DISC1: variants seen among roughly 807,000 people sequenced by gnomAD.
The protein encoded by DISC1 is disrupted in schizophrenia 1 protein.
A neutral mutation model predicts 84.5 loss-of-function variants in DISC1; 57 were observed. The observed-to-expected ratio is 0.67, with a 90% CI of 0.55 to 0.84. DISC1 has a LOEUF of 0.84. Ranked by LOEUF, DISC1 falls within the 40% of genes least tolerant of loss-of-function variation. The pLI, the probability that DISC1 is intolerant of heterozygous loss-of-function variation, is 0.00. For synonymous variants in DISC1, 411 were observed against 415.2 expected (o/e 0.99, Z 0.12); for missense variants, 1,000 against 1,057.8 (o/e 0.95, Z 0.76).
chr1:231,678,140 C>A (rs200147654), intron 1 of DISC1, among the ~76,000 whole-genome samples: 21 of 152,240 alleles, frequency 1.4e-4, no homozygotes, highest in South Asian at 2.1e-4. Flanking sequence ...GCAGTGTAAT[C>A]TCAGGAAGGC....
At chr1:231,657,464 G>T (rs1465855629) in intron 1 of DISC1, among the ~76,000 whole-genome samples, 1 of 152,068 alleles carries the variant, frequency 6.6e-6, no homozygotes, top group African/African-American at 2.4e-5. Flanking sequence ...TTCTTTTGCT[G>T]TGCAGAAGCT....
At chr1:231,861,452 G>GTTTTTTTTTTT (rs59522401) in intron 9 of DISC1, among the ~76,000 whole-genome samples, 1 of 88,966 alleles carries the variant, frequency 1.1e-5, no homozygotes, top group African/African-American at 3.9e-5. Flanking sequence ...ATTTTGACAA[G>GTTTTTTTTTTT]TTTTTTTTTT....
At chr1:231,820,650 C>T (rs936707343) in intron 9 of DISC1, among the ~76,000 whole-genome samples, 1 of 152,176 alleles carries the variant, frequency 6.6e-6, no homozygotes, top group Non-Finnish European at 1.5e-5. Flanking sequence ...GCCATTCAGT[C>T]CAACCTGGCT....
In DISC1 at chr1:231,833,305, T is replaced by A. The variant is rs2082383072; in HGVS notation, c.1981+14788T>A. Among the ~76,000 whole-genome samples the A allele has an allele frequency of 1.3e-5, 2 of 151,284 alleles. 1 individual carries two copies. The highest frequency in any genetic ancestry group is 4.2e-4 in the South Asian group (2 of 4,816). On this transcript the variant is annotated intron_variant, in intron 9 of 12. Coordinates refer to ENST00000439617, the MANE Select transcript of DISC1 (RefSeq NM_018662.3). Reference sequence around the variant, plus strand: ...GCCTGGCCGTCAATATCTACAACAGTTATGGAGGCAAGGGAAACAGGCCCT... The same window carrying A: ...GCCTGGCCGTCAATATCTACAACAGATATGGAGGCAAGGGAAACAGGCCCT...
rs1670653451 is a variant in DISC1 at position 232,038,468 on chromosome 1, G to C, written c.*1637G>C. 1 of 152,100 alleles carries C rather than the reference G, an allele frequency of 6.6e-6. No homozygotes were observed. Among genetic ancestry groups the C allele is most frequent in the Non-Finnish European group, 1.5e-5 (1 of 68,030 alleles). 9.4% of individuals were successfully genotyped at this position (152,100 alleles called of 1,614,324 possible). A position where few individuals can be genotyped will look rare whatever the true frequency, so the allele number is the denominator to read the frequency against. On this transcript the variant is annotated 3_prime_UTR_variant, in exon 13 of 13. Transcript: ENST00000439617. ...GTAAATACACCATACCATAATATCT[G>C]CTTGGAGAACCACAATGCACATTAG... is the stretch of plus-strand genomic sequence containing the variant.
chr1:231,697,245 T>A (rs975096111), intron 2 of DISC1, among the ~76,000 whole-genome samples: 1 of 152,184 alleles, frequency 6.6e-6, no homozygotes. Flanking sequence ...CTTATTGATA[T>A]TATATTTTAA....
intron 3 of DISC1, among the ~76,000 whole-genome samples, chr1:231,713,057 T>C (rs909454066): frequency 6.6e-6 from 1 of 152,150 alleles, no homozygotes; most frequent in Non-Finnish European, 1.5e-5. Flanking sequence ...TGGGTAAGTA[T>C]TGTAGGAGTT....
At chr1:231,919,219 A>G (rs1256658599) in intron 9 of DISC1, among the ~76,000 whole-genome samples, 1 of 152,152 alleles carries the variant, frequency 6.6e-6, no homozygotes, top group Non-Finnish European at 1.5e-5. Context: ...AGTGGCACTA[A>G]TCTTGTTTTG....
At chr1:232,036,370 G>A (rs574805899) in intron 12 of DISC1, among the ~76,000 whole-genome samples, 5 of 152,100 alleles carry the variant, frequency 3.3e-5, no homozygotes, top group African/African-American at 7.2e-5. Flanking sequence ...GGGCTTAGCC[G>A]GAGTTATGGT....
intron 3 of DISC1, among the ~76,000 whole-genome samples, chr1:231,747,402 G>A (rs1397180347): frequency 6.6e-6 from 1 of 152,086 alleles, no homozygotes. Flanking sequence ...TTACATTTAG[G>A]TCTTTGATTG....
intron 9 of DISC1, among the ~76,000 whole-genome samples, chr1:231,907,131 C>CTCTCTTTCTTTCTTTCTT (rs2088783092): frequency 2.1e-5 from 2 of 93,202 alleles, no homozygotes; most frequent in East Asian, 7.3e-4. Flanking sequence ...TCCTTCCTTC[C>CTCTCTTTCTTTCTTTCTT]TCTTTCTTTC....
At chr1:231,679,353 G>A (rs1315374652) in intron 1 of DISC1, among the ~76,000 whole-genome samples, 1 of 152,232 alleles carries the variant, frequency 6.6e-6, no homozygotes, top group Non-Finnish European at 1.5e-5. Context: ...CAGCACCTCT[G>A]CTTCCTGCCT....
rs575963668 is a variant in DISC1 at position 231,805,842 on chromosome 1, G to A, written c.1792+5632G>A. Among the ~76,000 whole-genome samples the A allele has an allele frequency of 3.3e-5, 5 of 152,308 alleles. No homozygotes were observed. In the South Asian group the frequency reaches 6.2e-4, roughly 19 times the overall value. On this transcript the variant is annotated intron_variant, in intron 8 of 12. Coordinates refer to ENST00000439617, the MANE Select transcript of DISC1 (RefSeq NM_018662.3). The stretch of plus-strand genomic sequence containing the variant: ...AGCCCTGAGCTCTATGCATACTGAC[G>A]TAGAGGAAGAAACTCACCAGGGCAG...
At chr1:232,024,869 T>C (rs990157603) in intron 11 of DISC1, among the ~76,000 whole-genome samples, 1 of 152,150 alleles carries the variant, frequency 6.6e-6, no homozygotes, top group African/African-American at 2.4e-5. Context: ...GGATTACAGC[T>C]GCGAGCCACT....
At chr1:231,865,764 A>G (rs12058142) in intron 9 of DISC1, among the ~76,000 whole-genome samples, 1,668 of 152,336 alleles carry the variant, frequency 0.011, 33 homozygotes, top group African/African-American at 0.038. Context: ...AGTACATGAG[A>G]GAAGTCAGGT....
At chr1:231,780,454 A>G (rs2077330622) in intron 6 of DISC1, among the ~76,000 whole-genome samples, 1 of 151,058 alleles carries the variant, frequency 6.6e-6, no homozygotes, top group African/African-American at 2.4e-5. Flanking sequence ...TCAAAACCAC[A>G]ATGAGATACC....
intron 6 of DISC1, among the ~76,000 whole-genome samples, chr1:231,776,021 G>A (rs2076937987): frequency 6.6e-6 from 1 of 152,132 alleles, no homozygotes; most frequent in Non-Finnish European, 1.5e-5. Context: ...GTGGGCATGA[G>A]GTTCCATCTA....
chr1:231,938,966 C>G (rs1300665041), intron 9 of DISC1, among the ~76,000 whole-genome samples: 1 of 152,178 alleles, frequency 6.6e-6, no homozygotes, highest in Non-Finnish European at 1.5e-5. Context: ...TGTGTAATCT[C>G]AACTCCATCA....
At position 231,866,110 on chromosome 1, in the gene DISC1, C is replaced by G. The variant is rs527561885; in HGVS notation, c.1981+47593C>G. On this transcript the variant is annotated intron_variant, in intron 9 of 12. Transcript: ENST00000439617. ...CTGAGCCTGGTGTGTGTGTGTGGCT[C>G]AGTGCCTTTCCCATAGTGGCCCACA... Among the ~76,000 whole-genome samples the G allele has an allele frequency of 1.4e-4, 21 of 152,172 alleles. No homozygotes were observed. The East Asian group carries it at 3.7e-3, about 27-fold the overall frequency.
Sources: allele counts gnomAD v4.1 joint callset (sites outside exome capture counted in the v4.1 genomes callset), GRCh38; gene constraint gnomAD v4.1.1; transcripts MANE v1.5; gene names NCBI Gene and HGNC (gene_info 2026-07-23, HGNC 2026-07-21).